The following SMAD2 variants were observed in gnomAD, a reference collection of about 807,000 sequenced individuals.
SMAD2 encodes SMAD family member 2.
Under a neutral mutation model 64.4 loss-of-function variants are expected in SMAD2, and 8 were observed. The ratio of observed to expected loss-of-function variants is 0.12; its 90% confidence interval spans 0.07 to 0.22. The LOEUF is 0.22. SMAD2 is among the 10% of genes least tolerant of loss of function. SMAD2 has a pLI of 1.00. For missense variants in SMAD2, 289 were observed against 561.2 expected, an observed-to-expected ratio of 0.51 and a Z score of 4.90; for synonymous variants, 203 against 195.8, an observed-to-expected ratio of 1.04 and a Z score of -0.31.
intron 6 of SMAD2, among the ~76,000 whole-genome samples, chr18:47,852,744 T>A (rs1196306186): frequency 1.3e-5 from 2 of 152,086 alleles, no homozygotes. Flanking sequence ...TAGAAAATGA[T>A]CTGTTTCTTC....
chr18:47,894,257 A>G (rs879567266), intron 2 of SMAD2, among the ~76,000 whole-genome samples: 3 of 152,156 alleles, frequency 2.0e-5, no homozygotes, highest in African/African-American at 4.8e-5. Flanking sequence ...AGCTCCCTTC[A>G]ATCAAGTGAT....
rs1241183457 is a variant in SMAD2 at position 47,850,467 on chromosome 18, ATATATAT to A, written c.784+800_784+806del. Among the ~76,000 whole-genome samples the A allele has an allele frequency of 3.1e-3, 70 of 22,404 alleles. 9 individuals are homozygous for A. The highest frequency in any genetic ancestry group is 0.014 in the East Asian group (2 of 148). 14.7% of individuals were successfully genotyped at this position (22,404 alleles called of 152,430 possible). On this transcript the variant is annotated intron_variant, in intron 7 of 10. Transcript: ENST00000262160. Reference sequence around the variant, plus strand: ...TAATATATATTATATATTATACATAATATATATTATATATTATATATTATGTATAATA... The same window carrying A: ...TAATATATATTATATATTATACATAATATATATTATATATTATGTATAATA...
chr18:47,847,960 C>A (rs2144297538), intron 8 of SMAD2, among the ~76,000 whole-genome samples: 1 of 152,158 alleles, frequency 6.6e-6, no homozygotes, highest in East Asian at 1.9e-4. Context: ...CCCCAGACCA[C>A]ATTTTGAGAT....
intron 8 of SMAD2, 27 bp downstream of exon 8, chr18:47,848,448 T>G: frequency 7.1e-6 from 11 of 1,542,774 alleles, no homozygotes; most frequent in Non-Finnish European, 9.9e-6. Flanking sequence ...AGCATTTATT[T>G]TTCACAACAA....
In SMAD2 at chr18:47,824,831, G is replaced by A. The variant is rs1435583211; in HGVS notation, c.*16996C>T. On this transcript the variant is annotated 3_prime_UTR_variant, in exon 11 of 11. Coordinates refer to ENST00000262160, the MANE Select transcript of SMAD2 (RefSeq NM_005901.6). ...AGATCTTCTGTGGTCCACAAATCAT[G>A]GCAAAAAACTTTGTTTTCATATGCC... is the stretch of plus-strand genomic sequence containing the variant. The A allele has an allele frequency of 6.6e-6, 1 of 152,076 alleles. No homozygotes were observed. Among genetic ancestry groups the A allele is most frequent in the Non-Finnish European group, 1.5e-5 (1 of 68,020 alleles). The allele number at this position is 152,076 out of a possible 1,614,324, so 9.4% of individuals were successfully genotyped here.
At chr18:47,852,632 T>C (rs1041130728) in intron 6 of SMAD2, among the ~76,000 whole-genome samples, 4 of 152,212 alleles carry the variant, frequency 2.6e-5, no homozygotes, top group African/African-American at 7.2e-5. Context: ...GAAATTATAG[T>C]TAGTAACTTT....
intron 1 of SMAD2, among the ~76,000 whole-genome samples, chr18:47,906,608 G>T (rs1375923155): frequency 6.6e-6 from 1 of 152,174 alleles, no homozygotes. Flanking sequence ...TACTACTGCT[G>T]CTGTAACAAA....
chr18:47,906,094 G>A (rs1013065448), intron 1 of SMAD2, among the ~76,000 whole-genome samples: 2 of 151,700 alleles, frequency 1.3e-5, no homozygotes, highest in Non-Finnish European at 2.9e-5. Context: ...CAGGCTGAGT[G>A]GCAGAACAAG....
Position 47,835,889 on chromosome 18 carries a change from AAG to A in SMAD2, c.*5936_*5937del, listed in dbSNP as rs923094152. On this transcript the variant is annotated 3_prime_UTR_variant, in exon 11 of 11. Coordinates refer to ENST00000262160, the MANE Select transcript of SMAD2 (RefSeq NM_005901.6). ...GAGCTGTTAACTGTTTGGAGGGTAAAAGAATACTTTTCTCGAAATTTTTTTGA... is the reference window on the plus strand; with the variant it reads ...GAGCTGTTAACTGTTTGGAGGGTAAAAATACTTTTCTCGAAATTTTTTTGA... 3 of 205,134 alleles carry A rather than the reference AAG, an allele frequency of 1.5e-5. No homozygotes were observed. Among genetic ancestry groups the A allele is most frequent in the Non-Finnish European group, 3.0e-5 (3 of 100,234 alleles). The allele number at this position is 205,134 out of a possible 1,614,324, so 12.7% of individuals were successfully genotyped here. A position where few individuals can be genotyped will look rare whatever the true frequency, so the allele number is the denominator to read the frequency against.
At chr18:47,868,561 A>C (rs2031733206) in intron 4 of SMAD2, 104 bp from the exon 5 acceptor site, 2 of 875,338 alleles carry the variant, frequency 2.3e-6, no homozygotes, top group South Asian at 1.4e-5. Flanking sequence ...CTTAATTTTT[A>C]AAGCTAGGGT....
intron 1 of SMAD2, among the ~76,000 whole-genome samples, chr18:47,907,309 G>A (rs553719324): frequency 6.6e-6 from 1 of 152,270 alleles, no homozygotes; most frequent in Non-Finnish European, 1.5e-5. Flanking sequence ...ATTATAGTGT[G>A]CTCATAAAAA....
At chr18:47,924,807 C>T (rs1267063470) in intron 1 of SMAD2, among the ~76,000 whole-genome samples, 2 of 152,186 alleles carry the variant, frequency 1.3e-5, no homozygotes, top group African/African-American at 4.8e-5. Context: ...GAGGATGGAA[C>T]GTTTCCTTGA....
At position 47,837,548 on chromosome 18, in the gene SMAD2, C is replaced by T. The variant is rs1373438323; in HGVS notation, c.*4279G>A. 3 of 189,056 alleles carry T rather than the reference C, an allele frequency of 1.6e-5. No homozygotes were observed. Among genetic ancestry groups the T allele is most frequent in the South Asian group, 2.4e-4 (1 of 4,118 alleles). 11.7% of individuals were successfully genotyped at this position (189,056 alleles called of 1,614,324 possible). ...CTGCACTCCAGGTTGGGCAACAGAG[C>T]GAGACTCCCTCTCAAAAAAAAAAAA... is the stretch of plus-strand genomic sequence containing the variant. On this transcript the variant is annotated 3_prime_UTR_variant, in exon 11 of 11. Transcript: ENST00000262160.
At chr18:47,882,041 CT>C (rs71162900) in intron 2 of SMAD2, among the ~76,000 whole-genome samples, 708 of 38,794 alleles carry the variant, frequency 0.018, 4 homozygotes, top group East Asian at 0.041. Flanking sequence ...CCACGCTTGG[CT>C]TTTTTTTTTT....
intron 9 of SMAD2, 32 bp from the exon 10 acceptor site, chr18:47,845,516 A>G: frequency 6.2e-7 from 1 of 1,604,172 alleles, no homozygotes. Flanking sequence ...GAAATTGTCA[A>G]AAGAGTATCA....
At chr18:47,885,561 A>ATT (rs1209505223) in intron 2 of SMAD2, among the ~76,000 whole-genome samples, 1 of 152,220 alleles carries the variant, frequency 6.6e-6, no homozygotes, top group African/African-American at 2.4e-5. Context: ...TAATCTTAAA[A>ATT]TAAGTGCATA....
rs573535727 is a variant in SMAD2 at position 47,840,496 on chromosome 18, G to C, written c.*1331C>G. 1.7e-5 allele frequency: 4 copies of C among 232,404 alleles called. No individual in the cohort carries two copies. The East Asian group carries it at 2.4e-4, about 14-fold the overall frequency. The allele number at this position is 232,404 out of a possible 1,614,324, so 14.4% of individuals were successfully genotyped here. A position where few individuals can be genotyped will look rare whatever the true frequency, so the allele number is the denominator to read the frequency against. On this transcript the variant is annotated 3_prime_UTR_variant, in exon 11 of 11. Transcript: ENST00000262160. ...AGCTCAGACTGCAGGTAACTTATAA[G>C]CTAAAAAACTTGCTAAATAAATGGC...
chr18:47,907,547 C>CA (rs748921107), intron 1 of SMAD2, among the ~76,000 whole-genome samples: 1 of 152,196 alleles, frequency 6.6e-6, no homozygotes, highest in Admixed American at 6.5e-5. Context: ...TCTACGGTGA[C>CA]AAAAGTGTTC....
At position 47,918,241 on chromosome 18, in the gene SMAD2, A is replaced by G. The variant is rs1216797266; in HGVS notation, c.-54+12120T>C. ...CCCTGGACTAGGAGATGGCCTGGGT[A>G]TAAGTAGGAAGAAAAGAGGGTGTGA... On this transcript the variant is annotated intron_variant, in intron 1 of 10. Coordinates refer to ENST00000262160, the MANE Select transcript of SMAD2 (RefSeq NM_005901.6). 3.9e-5 allele frequency among the ~76,000 whole-genome samples: 6 copies of G among 152,320 alleles called. No homozygotes were observed. The East Asian group carries it at 1.2e-3, about 29-fold the overall frequency.
Sources: allele counts gnomAD v4.1 joint callset (sites outside exome capture counted in the v4.1 genomes callset), GRCh38; gene constraint gnomAD v4.1.1; transcripts MANE v1.5; gene names NCBI Gene and HGNC (gene_info 2026-07-23, HGNC 2026-07-21).